RAP1A: variants seen among roughly 807,000 people sequenced by gnomAD.
The protein encoded by RAP1A is RAP1A, member of RAS oncogene family.
Under a neutral mutation model 26.4 loss-of-function variants are expected in RAP1A, and 6 were observed. The observed-to-expected ratio is 0.23, with a 90% confidence interval of 0.12 to 0.45. The LOEUF (loss-of-function observed/expected upper bound fraction) is 0.45, where lower values mean the gene tolerates loss of function less well. Ranked by LOEUF, RAP1A falls within the 20% of genes least tolerant of loss-of-function variation. The pLI, the probability that RAP1A is intolerant of heterozygous loss-of-function variation, is 0.99. For synonymous variants in RAP1A, 73 were observed against 79.4 expected (o/e 0.92, Z 0.43); for missense variants, 121 against 217.2 (o/e 0.56, Z 2.78).
At chr1:111,581,952 A>G (rs1658265725) in intron 1 of RAP1A, among the ~76,000 whole-genome samples, 1 of 152,254 alleles carries the variant, frequency 6.6e-6, no homozygotes, top group East Asian at 1.9e-4. Context: ...TCCATTAACT[A>G]GGGAGGAAAC....
intron 1 of RAP1A, among the ~76,000 whole-genome samples, chr1:111,683,313 A>G (rs1661364346): frequency 6.6e-6 from 1 of 152,124 alleles, no homozygotes; most frequent in Non-Finnish European, 1.5e-5. Context: ...AGAAATAACT[A>G]AGATCAGAGC....
At chr1:111,575,155 C>CT (rs879651592) in intron 1 of RAP1A, among the ~76,000 whole-genome samples, 340 of 146,572 alleles carry the variant, frequency 2.3e-3, no homozygotes, top group African/African-American at 4.6e-3. Context: ...TTCTTTCTTT[C>CT]TTTTTTTTTT....
intron 2 of RAP1A, among the ~76,000 whole-genome samples, chr1:111,694,862 G>C (rs907415772): frequency 6.6e-6 from 1 of 152,150 alleles, no homozygotes; most frequent in South Asian, 2.1e-4. Flanking sequence ...CTACCTGGGA[G>C]GCTGAGGCGG....
intron 3 of RAP1A, 30 bp from the exon 4 acceptor site, chr1:111,697,409 CTT>C (rs1661868111): frequency 1.3e-6 from 2 of 1,590,652 alleles, no homozygotes; most frequent in Non-Finnish European, 1.7e-6. Flanking sequence ...TGATGTTACT[CTT>C]TAACCTTTTT....
At chr1:111,648,501 T>C in intron 1 of RAP1A, 1 of 558,786 alleles carries the variant, frequency 1.8e-6, no homozygotes. Flanking sequence ...TACTCACTCC[T>C]GGGCCTGGCG....
chr1:111,710,313 A>G (rs547179903), intron 7 of RAP1A, among the ~76,000 whole-genome samples: 8 of 152,216 alleles, frequency 5.3e-5, no homozygotes, highest in Non-Finnish European at 1.0e-4. Flanking sequence ...AAGTGACCCC[A>G]TTGGAAAGAA....
At chr1:111,689,331 C>CG (rs1661597487) in intron 1 of RAP1A, among the ~76,000 whole-genome samples, 1 of 151,660 alleles carries the variant, frequency 6.6e-6, no homozygotes, top group Non-Finnish European at 1.5e-5. Flanking sequence ...TCCCTCTCTC[C>CG]TGTCTCCCTT....
At chr1:111,583,220 A>G in intron 1 of RAP1A, among the ~76,000 whole-genome samples, 1 of 151,660 alleles carries the variant, frequency 6.6e-6, no homozygotes, top group African/African-American at 2.4e-5. Context: ...AGGCTGCTGG[A>G]CATATGCCCA....
intron 1 of RAP1A, among the ~76,000 whole-genome samples, chr1:111,561,412 G>A (rs976858382): frequency 9.2e-5 from 14 of 152,168 alleles, no homozygotes; most frequent in African/African-American, 3.1e-4. Flanking sequence ...GTGAGCCACC[G>A]TGCCCAGCTC....
chr1:111,705,292 C>T (rs951748234), intron 6 of RAP1A, among the ~76,000 whole-genome samples: 1 of 152,182 alleles, frequency 6.6e-6, no homozygotes, highest in African/African-American at 2.4e-5. Context: ...TGTAGCATTA[C>T]AGGTAATCAG....
rs1452246059 is a variant in RAP1A, at chr1:111,693,922, T to C, written c.58-1419T>C. Among the ~76,000 whole-genome samples, 4 of 150,262 alleles carry C rather than the reference T, an allele frequency of 2.7e-5. No individual in the cohort carries two copies. In the South Asian group the frequency reaches 8.4e-4, roughly 32 times the overall value. On this transcript the variant is annotated intron_variant, in intron 2 of 7. Coordinates refer to ENST00000369709, the MANE Select transcript of RAP1A (RefSeq NM_002884.4). ...CTTTTTTTTTTTTTTAAATCTTGAATCAGCATCTTGCCCTGGAGTGCAGTG... is the reference window on the plus strand; with the variant it reads ...CTTTTTTTTTTTTTTAAATCTTGAACCAGCATCTTGCCCTGGAGTGCAGTG...
At chr1:111,546,360 C>G (rs192625202) in intron 1 of RAP1A, among the ~76,000 whole-genome samples, 1 of 152,192 alleles carries the variant, frequency 6.6e-6, no homozygotes, top group East Asian at 1.9e-4. Context: ...CACCATCCAT[C>G]TCTAAAACTG....
intron 7 of RAP1A, 111 bp from the exon 8 acceptor site, chr1:111,712,319 TC>T (rs1662409225): frequency 1.3e-5 from 2 of 152,354 alleles, no homozygotes; most frequent in African/African-American, 4.8e-5. Flanking sequence ...CAAGTTATGA[TC>T]AGCTAAAATC....
chr1:111,620,180 A>G (rs1659146256), intron 1 of RAP1A, among the ~76,000 whole-genome samples: 1 of 152,148 alleles, frequency 6.6e-6, no homozygotes, highest in Admixed American at 6.5e-5. Flanking sequence ...GGTCGACTGT[A>G]GGCCTGCGGG....
chr1:111,552,403 G>C, intron 1 of RAP1A, among the ~76,000 whole-genome samples: 1 of 151,986 alleles, frequency 6.6e-6, no homozygotes, highest in East Asian at 1.9e-4. Context: ...TCCTGAATAC[G>C]TGTTCCCTGA....
chr1:111,640,275 A>C (rs970349991), intron 1 of RAP1A, among the ~76,000 whole-genome samples: 5 of 152,218 alleles, frequency 3.3e-5, no homozygotes, highest in Non-Finnish European at 7.3e-5. Context: ...GATTTTAACT[A>C]AATATTATGT....
rs142179439 is a variant in RAP1A, at chr1:111,632,350, G to A, written c.-28+12416G>A. Among the ~76,000 whole-genome samples the A allele has an allele frequency of 1.9e-3, 284 of 151,630 alleles. 1 individual carries two copies. The highest frequency in any genetic ancestry group is 6.2e-3 in the African/African-American group (254 of 41,286). ...AATATCTTAATAAATTCTAAGTTTAGTATTCTTTTAAATGAATATCATAGG... is the reference window on the plus strand; with the variant it reads ...AATATCTTAATAAATTCTAAGTTTAATATTCTTTTAAATGAATATCATAGG... On this transcript the variant is annotated intron_variant, in intron 1 of 7. Coordinates refer to ENST00000369709, the MANE Select transcript of RAP1A (RefSeq NM_002884.4).
Position 111,691,415 on chromosome 1 carries a change from C to G in RAP1A, c.55C>G (p.Leu19Val), listed in dbSNP as rs1661661224. The G allele has an allele frequency of 6.2e-7, 1 of 1,610,932 alleles. No individual in the cohort carries two copies. Among genetic ancestry groups the G allele is most frequent in the Non-Finnish European group, 8.5e-7 (1 of 1,177,320 alleles). ...LGSGGVGKSA[L>V]TVQFVQGIFV... ...TTCAGGAGGCGTTGGGAAGTCTGCT[C>G]TGGTAAGTTAGCCACCTAACTGTAA... is the stretch of plus-strand genomic sequence containing the variant. The change falls in exon 2 of 8, where the codon CTG (leucine) becomes GTG (valine). Residue 19 changes from leucine to valine, a missense_variant and splice_region_variant. Physicochemically the swap from Leu to Val is conservative, Grantham distance 32. Coordinates refer to ENST00000369709, the MANE Select transcript of RAP1A (RefSeq NM_002884.4).
At chr1:111,697,340 T>C in intron 3 of RAP1A, 101 bp from the exon 4 acceptor site, 3 of 1,589,784 alleles carry the variant, frequency 1.9e-6, no homozygotes, top group Non-Finnish European at 2.6e-6. Context: ...GGAGACAGGC[T>C]TTGTATTTGT....
Sources: gnomAD v4.1 joint callset for allele counts (sites outside exome capture counted in the v4.1 genomes callset) on GRCh38, gnomAD v4.1.1 for gene constraint, MANE v1.5 for transcripts, NCBI Gene and HGNC (gene_info 2026-07-23, HGNC 2026-07-21) for gene names.